Variants in OSMR observed in about 807,000 individuals in gnomAD.
OSMR encodes the protein oncostatin M receptor.
A neutral mutation model predicts 99.9 loss-of-function variants in OSMR; 81 were observed. The ratio of observed to expected loss-of-function variants is 0.81; its 90% CI spans 0.68 to 0.97. The LOEUF is 0.97. Among genes scored for constraint, OSMR ranks in the 50% least tolerant of loss-of-function variants. The pLI, the probability that OSMR is intolerant of heterozygous loss-of-function variation, is 0.00. For missense variants in OSMR, 1,099 were observed against 1,153.4 expected, an observed-to-expected ratio of 0.95 and a Z score of 0.68; for synonymous variants, 406 against 410.4, an observed-to-expected ratio of 0.99 and a Z score of 0.13.
intron 3 of OSMR, 37 bp downstream of exon 3, chr5:38,876,410 T>A: frequency 6.4e-7 from 1 of 1,573,318 alleles, no homozygotes; most frequent in South Asian, 1.1e-5. Context: ...TAAAAAATCA[T>A]CTTTAAAAAA....
intron 1 of OSMR, among the ~76,000 whole-genome samples, chr5:38,847,214 G>A (rs1739916194): frequency 6.6e-6 from 1 of 152,190 alleles, no homozygotes; most frequent in Admixed American, 6.5e-5. Flanking sequence ...AACTGACTTT[G>A]GAACATGGGT....
chr5:38,904,025 G>A lies in OSMR; in HGVS notation c.1134+1G>A, dbSNP rs1745061827. The A allele has an allele frequency of 6.2e-7, 1 of 1,613,776 alleles. No homozygotes were observed. Among genetic ancestry groups the A allele is most frequent in the African/African-American group, 1.3e-5 (1 of 74,916 alleles). On this transcript the variant is annotated splice_donor_variant, in intron 8 of 17. Coordinates refer to ENST00000274276, the MANE Select transcript of OSMR (RefSeq NM_003999.3). LOFTEE classifies it high-confidence loss of function. ...CCATGGTGAAGGAAAAATGATGCAA[G>A]TAAGAACCCTGCTTAATTTTCTATT...
chr5:38,932,838 T>C (rs761888872), intron 17 of OSMR, 34 bp from the exon 18 acceptor site: 1 of 1,612,766 alleles, frequency 6.2e-7, no homozygotes, highest in Non-Finnish European at 8.5e-7. Context: ...CACACACAAA[T>C]GTCTATATTT....
chr5:38,870,621 C>T (rs964955629), intron 2 of OSMR, among the ~76,000 whole-genome samples: 11 of 152,146 alleles, frequency 7.2e-5, no homozygotes, highest in Admixed American at 2.6e-4. Context: ...AAAATAAAAC[C>T]GACTTTTTAT....
chr5:38,921,930 A>G, intron 12 of OSMR, 136 bp downstream of exon 12: 1 of 733,676 alleles, frequency 1.4e-6, no homozygotes, highest in Admixed American at 2.3e-5. Flanking sequence ...CATGGGTGTT[A>G]GGAGTTCAGA....
At chr5:38,936,329 A>ATTGT (rs756107809), downstream of OSMR, among the ~76,000 whole-genome samples, 4 of 152,074 alleles carry the variant, frequency 2.6e-5, no homozygotes, top group South Asian at 2.1e-4. Context: ...TAGTCATAAT[A>ATTGT]TTGTTAAAAT....
At chr5:38,866,316 G>T (rs1240981968) in intron 1 of OSMR, among the ~76,000 whole-genome samples, 3 of 152,156 alleles carry the variant, frequency 2.0e-5, no homozygotes, top group African/African-American at 7.2e-5. Context: ...ACAGTGGTTG[G>T]TGGGGTGGAC....
intron 9 of OSMR, among the ~76,000 whole-genome samples, chr5:38,913,304 C>T (rs1454766433): frequency 1.3e-5 from 2 of 151,980 alleles, no homozygotes; most frequent in Admixed American, 1.3e-4. Flanking sequence ...AATCCCAGCA[C>T]TTTGGGAGGC....
chr5:38,862,379 G>A (rs1342481410), intron 1 of OSMR, among the ~76,000 whole-genome samples: 2 of 76,450 alleles, frequency 2.6e-5, no homozygotes, highest in Non-Finnish European at 2.5e-5. Context: ...GGGCAGAGGC[G>A]CCCCTCACCT....
Position 38,904,004 on chromosome 5 carries a change from G to C in OSMR, c.1114G>C (p.Gly372Arg), listed in dbSNP as rs374234059. 76 of 1,613,844 alleles carry C rather than the reference G, an allele frequency of 4.7e-5. No homozygotes were observed. In the East Asian group the frequency reaches 1.6e-3, roughly 35 times the overall value. Residue 372 changes from glycine (G) to arginine (R), a missense_variant, in exon 8 of 18, where the codon GGT (glycine) becomes CGT (arginine). Physicochemically the swap from Gly to Arg is moderately radical, Grantham distance 125 (BLOSUM62 -2). Coordinates refer to ENST00000274276, the MANE Select transcript of OSMR (RefSeq NM_003999.3). Reference protein sequence around the residue: ...FTYLCQIELHGEGKMMQYNVS... With the variant: ...FTYLCQIELHREGKMMQYNVS... Reference sequence around the variant, plus strand: ...ATATTTGTGTCAGATTGAACTCCATGGTGAAGGAAAAATGATGCAAGTAAG... The same window carrying C: ...ATATTTGTGTCAGATTGAACTCCATCGTGAAGGAAAAATGATGCAAGTAAG...
At chr5:38,945,101 A>G in exon 3 of OSMR, 1 of 1,458,044 alleles carries the variant, frequency 6.9e-7, no homozygotes, top group Non-Finnish European at 9.5e-7. Flanking sequence ...CAATTAAAGC[A>G]CCATAACGGC....
In OSMR at chr5:38,902,925, A is replaced by G. The variant is rs77948052; in HGVS notation, c.992-957A>G. Among the ~76,000 whole-genome samples the G allele has an allele frequency of 4.0e-3, 603 of 152,156 alleles. 9 individuals are homozygous for G. Among genetic ancestry groups the G allele is most frequent in the African/African-American group, 0.014 (579 of 41,508 alleles). On this transcript the variant is annotated intron_variant, in intron 7 of 17. Coordinates refer to ENST00000274276, the MANE Select transcript of OSMR (RefSeq NM_003999.3). ...ACGCTTCTTTCCTCCGCCACAATCC[A>G]TGCAGCCACCTCACCCACATTCTCG...
chr5:38,869,344 C>T (rs1742193376), intron 2 of OSMR, among the ~76,000 whole-genome samples: 1 of 152,208 alleles, frequency 6.6e-6, no homozygotes, highest in South Asian at 2.1e-4. Context: ...ACCCTGACTT[C>T]CTGGTCAGTG....
At chr5:38,924,332 G>A in intron 13 of OSMR, 90 bp from the exon 14 acceptor site, 1 of 1,597,402 alleles carries the variant, frequency 6.3e-7, no homozygotes, top group South Asian at 1.1e-5. Context: ...AACCTCCAGA[G>A]CTGGCTATGG....
intron 5 of OSMR, among the ~76,000 whole-genome samples, chr5:38,884,471 C>T (rs1410633448): frequency 6.6e-6 from 1 of 152,150 alleles, no homozygotes; most frequent in Admixed American, 6.5e-5. Flanking sequence ...TGGAGTCAGC[C>T]AGGATTGTGG....
chr5:38,932,570 C>T (rs1746805030), intron 17 of OSMR, 35 bp downstream of exon 17: 2 of 1,580,716 alleles, frequency 1.3e-6, no homozygotes, highest in Non-Finnish European at 1.7e-6. Context: ...TACCATATAC[C>T]TATTAAGGAC....
chr5:38,939,005 A>G (rs1437505059), downstream of OSMR: 2 of 233,022 alleles, frequency 8.6e-6, no homozygotes, highest in Non-Finnish European at 1.7e-5. Flanking sequence ...ACTTCCAAAG[A>G]ACATTTCCCA....
At chr5:38,888,301 G>A (rs959398561) in intron 7 of OSMR, among the ~76,000 whole-genome samples, 2 of 152,066 alleles carry the variant, frequency 1.3e-5, no homozygotes, top group African/African-American at 2.4e-5. Flanking sequence ...GATATGTGGG[G>A]GCTGCCATGT....
intron 9 of OSMR, among the ~76,000 whole-genome samples, chr5:38,905,381 C>A (rs432158): frequency 6.6e-6 from 1 of 151,850 alleles, no homozygotes; most frequent in African/African-American, 2.4e-5. Flanking sequence ...CCCAGCTACT[C>A]GGGAGGCTGA....
Sources: gnomAD v4.1 joint callset for allele counts (sites outside exome capture counted in the v4.1 genomes callset) on GRCh38, gnomAD v4.1.1 for gene constraint, MANE v1.5 for transcripts, NCBI Gene and HGNC (gene_info 2026-07-23, HGNC 2026-07-21) for gene names.